LRP1B: variants seen among roughly 807,000 people sequenced by gnomAD.
LRP1B encodes LDL receptor related protein 1B.
Under a neutral mutation model 556.6 loss-of-function variants are expected in LRP1B, and 217 were observed. The ratio of observed to expected loss-of-function variants is 0.39; its 90% confidence interval spans 0.35 to 0.44. The LOEUF (loss-of-function observed/expected upper bound fraction) is 0.44. LRP1B is among the 20% of genes least tolerant of loss of function. The pLI is 1.00. For synonymous variants in LRP1B, 2,047 were observed against 1,865.8 expected, an observed-to-expected ratio of 1.10 and a Z score of -2.50; for missense variants, 5,053 against 5,620.8, an observed-to-expected ratio of 0.90 and a Z score of 3.23.
At chr2:141,340,756 T>C (rs1402474) in intron 3 of LRP1B, among the ~76,000 whole-genome samples, 67,660 of 151,954 alleles carry the variant, frequency 0.45, 16,819 homozygotes, top group Non-Finnish European at 0.57. Context: ...CAATACCCCT[T>C]GAAAAGTAGT....
chr2:140,965,669 T>C (rs993050008), intron 18 of LRP1B, among the ~76,000 whole-genome samples: 1 of 152,180 alleles, frequency 6.6e-6, no homozygotes, highest in East Asian at 1.9e-4. Flanking sequence ...ACTCGTCATT[T>C]ACATTAGGTA....
At chr2:141,544,397 C>T (rs1335659215) in intron 2 of LRP1B, among the ~76,000 whole-genome samples, 75 of 113,888 alleles carry the variant, frequency 6.6e-4, no homozygotes, top group Middle Eastern at 4.0e-3. Flanking sequence ...CCTCCTCCTC[C>T]TCCTCCTCCT....
chr2:141,404,996 G>T (rs142546304), intron 3 of LRP1B, among the ~76,000 whole-genome samples: 1 of 152,128 alleles, frequency 6.6e-6, no homozygotes, highest in African/African-American at 2.4e-5. Context: ...GGAGGCTGAG[G>T]CAGGAGAATG....
chr2:140,874,862 T>TA (rs1318312104), intron 25 of LRP1B, among the ~76,000 whole-genome samples: 71 of 150,604 alleles, frequency 4.7e-4, no homozygotes, highest in African/African-American at 1.5e-3. Flanking sequence ...CTACTAAAAA[T>TA]AAAAAAAATA....
At chr2:141,696,216 G>A (rs1342290146) in intron 2 of LRP1B, among the ~76,000 whole-genome samples, 1 of 151,914 alleles carries the variant, frequency 6.6e-6, no homozygotes, top group African/African-American at 2.4e-5. Context: ...AGTAGGCTTA[G>A]AGTAGGAAGT....
At position 141,096,627 on chromosome 2, in the gene LRP1B, GGGGAGAGAGAGAGAGAGAGA is replaced by G. The variant is rs1419832040; in HGVS notation, c.1014-34374_1014-34355del. Among the ~76,000 whole-genome samples the G allele has an allele frequency of 8.1e-4, 41 of 50,546 alleles. 1 individual carries two copies. The highest frequency in any genetic ancestry group is 2.2e-3 in the South Asian group (3 of 1,348). 33.2% of individuals were successfully genotyped at this position (50,546 alleles called of 152,430 possible). A position where few individuals can be genotyped will look rare whatever the true frequency, so the allele number is the denominator to read the frequency against. On this transcript the variant is annotated intron_variant, in intron 7 of 90. Transcript: ENST00000389484. ...GCCTGAATGACAAAGACGGGGAGAG[GGGGAGAGAGAGAGAGAGAGA>G]GAGAGAGAGAGAGAGAGAGAGAGAG...
Position 140,946,674 on chromosome 2 carries a change from C to T in LRP1B, c.3136+3561G>A, listed in dbSNP as rs574628352. 1.8e-4 allele frequency among the ~76,000 whole-genome samples: 27 copies of T among 152,118 alleles called. 1 individual carries two copies. The highest frequency in any genetic ancestry group is 5.5e-4 in the African/African-American group (23 of 41,526). On this transcript the variant is annotated intron_variant, in intron 20 of 90. Transcript: ENST00000389484. ...CATTTGACCCAGCAATCTCATTACT[C>T]GGTATATACCAAAAGGAAAATAAAT...
chr2:142,036,089 T>G (rs576960316), intron 1 of LRP1B, among the ~76,000 whole-genome samples: 1 of 151,800 alleles, frequency 6.6e-6, no homozygotes, highest in East Asian at 2.0e-4. Flanking sequence ...CAGTCTTAGG[T>G]ATGTCTTAAT....
intron 87 of LRP1B, among the ~76,000 whole-genome samples, chr2:140,241,326 C>G (rs923414310): frequency 1.3e-5 from 2 of 150,820 alleles, no homozygotes; most frequent in African/African-American, 4.8e-5. Flanking sequence ...ATGACTTCAA[C>G]TGCTTGATCA....
At chr2:140,702,701 G>A in intron 37 of LRP1B, 148 bp from the exon 38 acceptor site, 1 of 683,434 alleles carries the variant, frequency 1.5e-6, no homozygotes, top group Non-Finnish European at 2.4e-6. Flanking sequence ...GTGTGCTTAT[G>A]GTTCCGATAA....
chr2:140,417,137 CA>C (rs1281724142), intron 66 of LRP1B, among the ~76,000 whole-genome samples: 2 of 152,008 alleles, frequency 1.3e-5, no homozygotes, highest in African/African-American at 4.8e-5. Flanking sequence ...TGGAGTTTTT[CA>C]AAAGAAAAAT....
At chr2:140,711,429 A>G (rs1327150427) in intron 37 of LRP1B, among the ~76,000 whole-genome samples, 1 of 151,760 alleles carries the variant, frequency 6.6e-6, no homozygotes, top group Non-Finnish European at 1.5e-5. Context: ...ACCCTGGTCT[A>G]CTCTTGACTT....
At chr2:140,845,636 A>C (rs1030347431) in intron 29 of LRP1B, among the ~76,000 whole-genome samples, 1 of 152,162 alleles carries the variant, frequency 6.6e-6, no homozygotes, top group Non-Finnish European at 1.5e-5. Flanking sequence ...GGAATATCTT[A>C]ATGGAATAAA....
At chr2:140,694,149 T>C (rs1386888044) in intron 41 of LRP1B, among the ~76,000 whole-genome samples, 1 of 152,208 alleles carries the variant, frequency 6.6e-6, no homozygotes, top group Non-Finnish European at 1.5e-5. Context: ...GCATATTCTT[T>C]GGTAAAACAG....
chr2:141,770,176 A>G (rs568895947), intron 2 of LRP1B, among the ~76,000 whole-genome samples: 21 of 151,968 alleles, frequency 1.4e-4, no homozygotes, highest in Non-Finnish European at 7.4e-5. Context: ...TTTTTTCACA[A>G]TAGCTCTGTG....
At chr2:141,307,529 A>T (rs894600463) in intron 3 of LRP1B, among the ~76,000 whole-genome samples, 4 of 152,174 alleles carry the variant, frequency 2.6e-5, no homozygotes, top group African/African-American at 9.6e-5. Flanking sequence ...TATAGGCAGC[A>T]TAAAGTTGAG....
chr2:141,911,926 T>C (rs183002215), intron 1 of LRP1B, among the ~76,000 whole-genome samples: 2 of 152,280 alleles, frequency 1.3e-5, no homozygotes, highest in Non-Finnish European at 1.5e-5. Flanking sequence ...CTAAATCTCA[T>C]GAACCCCCTA....
At chr2:140,853,823 AGT>A (rs1692531680) in intron 27 of LRP1B, among the ~76,000 whole-genome samples, 1 of 152,108 alleles carries the variant, frequency 6.6e-6, no homozygotes, top group East Asian at 1.9e-4. Context: ...TGTCACACAG[AGT>A]AAGTAGTTCT....
intron 7 of LRP1B, among the ~76,000 whole-genome samples, chr2:141,104,386 T>C (rs960218327): frequency 2.6e-5 from 4 of 151,972 alleles, no homozygotes; most frequent in African/African-American, 9.7e-5. Flanking sequence ...GACTTTGGAG[T>C]ATGTCAACCA....
Sources: gnomAD v4.1 joint callset for allele counts (sites outside exome capture counted in the v4.1 genomes callset) on GRCh38, gnomAD v4.1.1 for gene constraint, MANE v1.5 for transcripts, NCBI Gene and HGNC (gene_info 2026-07-23, HGNC 2026-07-21) for gene names.